The following RERE variants were observed in gnomAD, a reference collection of about 807,000 sequenced individuals.
RERE encodes the protein arginine-glutamic acid dipeptide repeats protein.
A neutral mutation model predicts 146.1 loss-of-function variants in RERE; 40 were observed. The observed-to-expected ratio is 0.27, with a 90% CI of 0.21 to 0.36. RERE has a LOEUF of 0.36. Among genes scored for constraint, RERE ranks in the 10% least tolerant of loss-of-function variants. RERE has a pLI of 1.00. For synonymous variants in RERE, 1,003 were observed against 866.0 expected, an observed-to-expected ratio of 1.16 and a Z score of -2.78; for missense variants, 1,933 against 2,138.7, an observed-to-expected ratio of 0.90 and a Z score of 1.90.
chr1:8,411,165 T>C (rs754007756), intron 12 of RERE, among the ~76,000 whole-genome samples: 1 of 152,124 alleles, frequency 6.6e-6, no homozygotes, highest in Non-Finnish European at 1.5e-5. Context: ...TTGGTAAACA[T>C]GGACATCTTA....
chr1:8,708,333 C>T (rs1001793441), intron 1 of RERE, among the ~76,000 whole-genome samples: 2 of 151,928 alleles, frequency 1.3e-5, no homozygotes, highest in African/African-American at 2.4e-5. Context: ...TGTTTTGAGG[C>T]GGAGTCTCAC....
At chr1:8,506,425 ACTT>A (rs1645251089) in intron 8 of RERE, among the ~76,000 whole-genome samples, 1 of 152,216 alleles carries the variant, frequency 6.6e-6, no homozygotes, top group South Asian at 2.1e-4. Flanking sequence ...TAACTCCTTC[ACTT>A]CTTAAGTTCT....
intron 1 of RERE, among the ~76,000 whole-genome samples, chr1:8,749,065 C>T (rs1640478899): frequency 6.6e-6 from 1 of 152,070 alleles, no homozygotes; most frequent in African/African-American, 2.4e-5. Context: ...TTCCTTTAAT[C>T]ATCAGAACTA....
intron 12 of RERE, among the ~76,000 whole-genome samples, chr1:8,371,997 C>T (rs1642055329): frequency 6.6e-6 from 1 of 152,206 alleles, no homozygotes; most frequent in South Asian, 2.1e-4. Context: ...ACACTATCCA[C>T]CAACACAACT....
At chr1:8,538,383 A>T (rs2124384183) in intron 7 of RERE, among the ~76,000 whole-genome samples, 1 of 152,310 alleles carries the variant, frequency 6.6e-6, no homozygotes, top group Non-Finnish European at 1.5e-5. Flanking sequence ...AAAGACAGAA[A>T]CAGAGGTAAA....
chr1:8,550,544 T>A (rs1645921116), intron 6 of RERE, among the ~76,000 whole-genome samples: 1 of 152,012 alleles, frequency 6.6e-6, no homozygotes. Context: ...GTTGTTGTTG[T>A]TGTTGTTTTT....
At chr1:8,528,560 CA>C (rs1466975226) in intron 7 of RERE, among the ~76,000 whole-genome samples, 1 of 152,128 alleles carries the variant, frequency 6.6e-6, no homozygotes, top group Non-Finnish European at 1.5e-5. Context: ...AAGGAAAATA[CA>C]GGTTGAGTTA....
chr1:8,598,797 TAC>T (rs760893345), intron 4 of RERE, among the ~76,000 whole-genome samples: 6 of 152,226 alleles, frequency 3.9e-5, no homozygotes, highest in Admixed American at 1.3e-4. Context: ...ATGGTTTTGC[TAC>T]AGAGATCAAC....
At chr1:8,362,565 C>G in intron 16 of RERE, 118 bp downstream of exon 16, 2 of 1,335,246 alleles carry the variant, frequency 1.5e-6, no homozygotes, top group Non-Finnish European at 2.1e-6. Flanking sequence ...GGTGTCCAGA[C>G]AGGCTCCATG....
intron 1 of RERE, among the ~76,000 whole-genome samples, chr1:8,802,069 CAAT>C (rs1162289097): frequency 6.6e-6 from 1 of 152,140 alleles, no homozygotes; most frequent in Non-Finnish European, 1.5e-5. Context: ...AAAGTGATTA[CAAT>C]GAGTATATAT....
chr1:8,690,381 T>C (rs894042691), intron 1 of RERE, among the ~76,000 whole-genome samples: 4 of 152,164 alleles, frequency 2.6e-5, no homozygotes, highest in African/African-American at 9.7e-5. Context: ...CACCTCCAAA[T>C]ACTATAGCAC....
intron 7 of RERE, chr1:8,513,099 C>T (rs1645364070): frequency 6.6e-6 from 1 of 152,192 alleles, no homozygotes; most frequent in Non-Finnish European, 1.5e-5. Context: ...GCAGCGCCTC[C>T]AGCCACTACC....
At chr1:8,788,012 G>A (rs925479267) in intron 1 of RERE, among the ~76,000 whole-genome samples, 6 of 151,948 alleles carry the variant, frequency 3.9e-5, no homozygotes, top group African/African-American at 7.3e-5. Flanking sequence ...GTGGGAGGAC[G>A]GCTTGAGCCC....
chr1:8,467,863 C>T (rs1342654757), intron 10 of RERE, among the ~76,000 whole-genome samples: 2 of 152,166 alleles, frequency 1.3e-5, no homozygotes, highest in African/African-American at 2.4e-5. Flanking sequence ...CCAGAATGGT[C>T]TCGATCTCTT....
chr1:8,359,317 G>A (rs561649264), intron 19 of RERE, among the ~76,000 whole-genome samples: 1 of 152,300 alleles, frequency 6.6e-6, no homozygotes, highest in East Asian at 1.9e-4. Context: ...GCAGAGAGCT[G>A]GCCACCACCA....
At chr1:8,711,157 C>CAAAAAAAAAAAAA (rs57814312) in intron 1 of RERE, among the ~76,000 whole-genome samples, 4 of 68,248 alleles carry the variant, frequency 5.9e-5, no homozygotes, top group African/African-American at 1.9e-4. Context: ...ACTCTGTCTC[C>CAAAAAAAAAAAAA]AAAAAAAAAA....
intron 2 of RERE, among the ~76,000 whole-genome samples, chr1:8,645,081 G>A (rs1010423864): frequency 6.6e-6 from 1 of 152,088 alleles, no homozygotes; most frequent in Admixed American, 6.6e-5. Context: ...GTACAGCAGG[G>A]AAACAATGTC....
intron 4 of RERE, among the ~76,000 whole-genome samples, chr1:8,601,661 C>T (rs1170840543): frequency 4.1e-5 from 6 of 146,632 alleles, no homozygotes; most frequent in African/African-American, 1.5e-4. Context: ...CACACACACA[C>T]ACACACACAC....
At chr1:8,436,637 G>A (rs560041340) in intron 11 of RERE, among the ~76,000 whole-genome samples, 8 of 152,186 alleles carry the variant, frequency 5.3e-5, no homozygotes, top group South Asian at 2.1e-4. Context: ...GTGGTTGCCC[G>A]ATAGAAATAT....
Sources: gnomAD v4.1 joint callset for allele counts (sites outside exome capture counted in the v4.1 genomes callset) on GRCh38, gnomAD v4.1.1 for gene constraint, MANE v1.5 for transcripts, NCBI Gene and HGNC (gene_info 2026-07-23, HGNC 2026-07-21) for gene names.